KIF1B: variants seen among roughly 807,000 people sequenced by gnomAD.
KIF1B encodes kinesin-like protein KIF1B.
Under a neutral mutation model 241.9 loss-of-function variants are expected in KIF1B, and 76 were observed. The ratio of observed to expected loss-of-function variants is 0.31; its 90% CI spans 0.26 to 0.38. The LOEUF is 0.38. Ranked by LOEUF, KIF1B falls within the 10% of genes least tolerant of loss-of-function variation. The probability of loss-of-function intolerance (pLI) is 1.00; values close to 1 mark genes in which losing one functional copy is unlikely to be tolerated. For missense variants in KIF1B, 1,622 were observed against 2,271.4 expected (o/e 0.71, Z 5.81); for synonymous variants, 750 against 796.7 (o/e 0.94, Z 0.99).
intron 6 of KIF1B, 97 bp downstream of exon 6, chr1:10,267,655 A>G: frequency 8.4e-7 from 1 of 1,195,816 alleles, no homozygotes; most frequent in Non-Finnish European, 1.2e-6. Flanking sequence ...TAGCTATGAA[A>G]GTTGCTTTAA....
At chr1:10,334,374 A>C (rs1036674166) in intron 27 of KIF1B, 146 bp from the exon 28 acceptor site, 5 of 746,264 alleles carry the variant, frequency 6.7e-6, no homozygotes, top group Non-Finnish European at 4.9e-6. Context: ...GCTGGAGGCA[A>C]ATCTGAGAGG....
At chr1:10,321,956 C>A in intron 24 of KIF1B, 99 bp downstream of exon 24, 2 of 1,344,784 alleles carry the variant, frequency 1.5e-6, no homozygotes, top group Non-Finnish European at 2.1e-6. Context: ...TTTGGGGGAA[C>A]TCAGCTGCTT....
At chr1:10,338,027 G>A (rs190486406) in intron 31 of KIF1B, among the ~76,000 whole-genome samples, 1 of 152,214 alleles carries the variant, frequency 6.6e-6, no homozygotes, top group African/African-American at 2.4e-5. Context: ...ATCTACATAG[G>A]ACTTGCTCTT....
At chr1:10,238,706 A>AAACAACAAC (rs146414281) in intron 2 of KIF1B, among the ~76,000 whole-genome samples, 45 of 150,692 alleles carry the variant, frequency 3.0e-4, no homozygotes, top group African/African-American at 1.1e-3. Context: ...CCCCATCCAA[A>AAACAACAAC]AACAACAACA....
rs1647936967 is a variant in KIF1B at position 10,258,677 on chromosome 1, A to T, written c.363+5A>T. The T allele has an allele frequency of 1.2e-6, 2 of 1,612,562 alleles. No homozygotes were observed. Among genetic ancestry groups the T allele is most frequent in the Non-Finnish European group, 1.7e-6 (2 of 1,178,762 alleles). Reference sequence around the variant, plus strand: ...CAGGCTGGCATCATTCCACAGGTGAAAAACAAAACAAAACAAAAATCTTCT... The same window carrying T: ...CAGGCTGGCATCATTCCACAGGTGATAAACAAAACAAAACAAAAATCTTCT... On this transcript the variant is annotated splice_donor_5th_base_variant and intron_variant, in intron 4 of 48. Transcript: ENST00000676179.
intron 1 of KIF1B, among the ~76,000 whole-genome samples, chr1:10,219,712 C>G (rs1213417562): frequency 2.0e-5 from 3 of 151,460 alleles, no homozygotes; most frequent in African/African-American, 7.3e-5. Context: ...AAGCTGAGAT[C>G]GTGCCATTGC....
rs150740999 is a variant in KIF1B at position 10,375,351 on chromosome 1, C to T, written c.5386C>T (p.Pro1796Ser). ...DMNDWLYAFN[P>S]LLAGTIRSKL... is the part of the protein sequence containing the mutation. ...GAACGACTGGTTGTATGCCTTCAAC[C>T]CACTTCTAGCTGGCACAATACGGTA... The change falls in exon 48 of 49, where the codon CCA (proline) becomes TCA (serine). Residue 1796 changes from proline (P) to serine (S), a missense_variant. Coordinates refer to ENST00000676179, the MANE Select transcript of KIF1B (RefSeq NM_001365951.3). 2 of 1,613,580 alleles carry T rather than the reference C, an allele frequency of 1.2e-6. No individual in the cohort carries two copies. Among genetic ancestry groups the T allele is most frequent in the African/African-American group, 1.3e-5 (1 of 75,042 alleles).
At chr1:10,314,473 G>A (rs1651215849) in intron 22 of KIF1B, among the ~76,000 whole-genome samples, 1 of 151,442 alleles carries the variant, frequency 6.6e-6, no homozygotes, top group African/African-American at 2.5e-5. Context: ...AGGCTGGAGT[G>A]GAGTGGCACA....
chr1:10,307,733 GA>G, intron 22 of KIF1B: 1 of 1,031,338 alleles, frequency 9.7e-7, no homozygotes, highest in Non-Finnish European at 1.2e-6. Flanking sequence ...AGCAAAGTGG[GA>G]AAAAAGTGTT....
chr1:10,211,369 C>T (rs1415216304), intron 1 of KIF1B, among the ~76,000 whole-genome samples: 2 of 152,186 alleles, frequency 1.3e-5, no homozygotes, highest in African/African-American at 2.4e-5. Flanking sequence ...CTGGGGGAGC[C>T]GAGGGCTCGA....
At chr1:10,347,025 C>G (rs1021700327) in intron 35 of KIF1B, among the ~76,000 whole-genome samples, 24 of 152,202 alleles carry the variant, frequency 1.6e-4, no homozygotes, top group Admixed American at 1.3e-3. Context: ...CAAAGTGATA[C>G]CATCAGCTTA....
chr1:10,358,117 AAG>A (rs1375321097), intron 38 of KIF1B, among the ~76,000 whole-genome samples: 27 of 151,380 alleles, frequency 1.8e-4, no homozygotes, highest in African/African-American at 6.0e-4. Context: ...AAAAAAAAAA[AAG>A]AAAGAAACTT....
chr1:10,296,027 T>G (rs1420513595), intron 19 of KIF1B, among the ~76,000 whole-genome samples: 1 of 152,194 alleles, frequency 6.6e-6, no homozygotes, highest in Non-Finnish European at 1.5e-5. Context: ...GAATGTTAAT[T>G]ATTTAATAGA....
intron 35 of KIF1B, among the ~76,000 whole-genome samples, chr1:10,346,172 T>G (rs1253874232): frequency 6.6e-6 from 1 of 152,112 alleles, no homozygotes; most frequent in Non-Finnish European, 1.5e-5. Context: ...TGCTTCGACC[T>G]CCCAAAGTGC....
At chr1:10,226,481 T>C (rs953355832) in intron 1 of KIF1B, among the ~76,000 whole-genome samples, 1 of 152,220 alleles carries the variant, frequency 6.6e-6, no homozygotes, top group African/African-American at 2.4e-5. Context: ...TTGTCTTGTT[T>C]GTAACATTCA....
intron 2 of KIF1B, among the ~76,000 whole-genome samples, chr1:10,247,157 G>A (rs761902899): frequency 4.0e-5 from 6 of 151,248 alleles, no homozygotes; most frequent in African/African-American, 1.5e-4. Context: ...GAACCACTGC[G>A]ACCAGTCCTT....
intron 2 of KIF1B, among the ~76,000 whole-genome samples, chr1:10,245,315 A>T (rs1170269662): frequency 6.6e-6 from 1 of 152,244 alleles, no homozygotes; most frequent in Admixed American, 6.5e-5. Flanking sequence ...TCTTAACTTG[A>T]AACTTCTTCA....
intron 7 of KIF1B, among the ~76,000 whole-genome samples, chr1:10,270,098 A>C (rs1648707004): frequency 6.6e-6 from 1 of 152,214 alleles, no homozygotes; most frequent in African/African-American, 2.4e-5. Flanking sequence ...TGAAGTATAC[A>C]GTAAATGGCA....
At chr1:10,240,666 A>G (rs376504610) in intron 2 of KIF1B, among the ~76,000 whole-genome samples, 19 of 151,998 alleles carry the variant, frequency 1.3e-4, no homozygotes, top group African/African-American at 3.9e-4. Context: ...TTTCAATAAC[A>G]TGAAAAATCA....
Sources: allele counts gnomAD v4.1 joint callset (sites outside exome capture counted in the v4.1 genomes callset), GRCh38; gene constraint gnomAD v4.1.1; transcripts MANE v1.5; gene names NCBI Gene and HGNC (gene_info 2026-07-23, HGNC 2026-07-21).